The following GPX7 variants were observed in gnomAD, a reference collection of about 807,000 sequenced individuals.
GPX7 encodes the protein glutathione peroxidase 7, also known as protein peroxidase GPX7.
Under a neutral mutation model 23.7 loss-of-function variants are expected in GPX7, and 21 were observed. That is an observed-to-expected ratio of 0.89 (90% confidence interval 0.63 to 1.28). The LOEUF (loss-of-function observed/expected upper bound fraction) is 1.28. GPX7 is among the 50% of genes most tolerant of loss of function. GPX7 has a pLI of 0.00. For synonymous variants in GPX7, 112 were observed against 101.8 expected (o/e 1.10, Z -0.61); for missense variants, 238 against 237.3 (o/e 1.00, Z -0.02).
In GPX7 at chr1:52,607,262, T is replaced by C. The variant is rs191721396; in HGVS notation, c.400+317T>C. ...TCCTAGAAGGAGACATTTAAGTCAG[T>C]GTGAACTAGATGAGTTTATGGACAT... On this transcript the variant is annotated intron_variant, in intron 2 of 2. Transcript: ENST00000361314. 2.4e-3 allele frequency: 951 copies of C among 399,250 alleles called. 4 individuals are homozygous for C. The highest frequency in any genetic ancestry group is 5.0e-3 in the Middle Eastern group (7 of 1,400). 24.7% of individuals were successfully genotyped at this position (399,250 alleles called of 1,614,324 possible).
chr1:52,602,484 C>T lies in GPX7; in HGVS notation c.75C>T (p.Phe25=). The T allele has an allele frequency of 6.4e-7, 1 of 1,558,848 alleles. No individual in the cohort carries two copies. The highest frequency in any genetic ancestry group is 8.6e-7 in the Non-Finnish European group (1 of 1,157,098). ...AAACAQQEQD[F]YDFKAVNIRG... ...CCTGCGCGCAGCAGGAGCAGGACTT[C>T]TACGACTTCAAGGCGGTCAACATCC... Residue 25 remains phenylalanine, a synonymous_variant, in exon 1 of 3, where the codon TTC becomes TTT. Transcript: ENST00000361314.
At chr1:52,607,776 T>C (rs760546096) in intron 2 of GPX7, among the ~76,000 whole-genome samples, 1 of 152,104 alleles carries the variant, frequency 6.6e-6, no homozygotes, top group Non-Finnish European at 1.5e-5. Context: ...CTCACAGTTA[T>C]AGATCAAACC....
intron 2 of GPX7, 177 bp downstream of exon 2, chr1:52,607,122 T>TACA (rs1690863117): frequency 4.5e-6 from 3 of 670,366 alleles, no homozygotes; most frequent in Non-Finnish European, 7.9e-6. Context: ...TGGAGGCAGG[T>TACA]AGAAGCTGAG....
Position 52,603,974 on chromosome 1 carries a change from TATTA to T in GPX7, c.138+1431_138+1434del, listed in dbSNP as rs1231151942. 7.1e-4 allele frequency among the ~76,000 whole-genome samples: 108 copies of T among 152,258 alleles called. 1 individual carries two copies. Among genetic ancestry groups the T allele is most frequent in the Non-Finnish European group, 1.9e-4 (13 of 68,018 alleles). On this transcript the variant is annotated intron_variant, in intron 1 of 2. Transcript: ENST00000361314. ...TTAGCGTCTGACCAGCTCTGCTACT[TATTA>T]ATTCGTTGTTCATTATTGAACACCT...
At chr1:52,603,875 A>C (rs1690827055) in intron 1 of GPX7, among the ~76,000 whole-genome samples, 1 of 152,146 alleles carries the variant, frequency 6.6e-6, no homozygotes, top group Non-Finnish European at 1.5e-5. Flanking sequence ...CTCTGGGCAA[A>C]GAACCAAGAA....
At chr1:52,607,672 G>C (rs1690869421) in intron 2 of GPX7, among the ~76,000 whole-genome samples, 2 of 152,176 alleles carry the variant, frequency 1.3e-5, no homozygotes, top group Admixed American at 1.3e-4. Flanking sequence ...GCAAACAAAA[G>C]GTCCCTTACT....
chr1:52,606,582 C>G, intron 1 of GPX7, 102 bp from the exon 2 acceptor site: 1 of 1,302,758 alleles, frequency 7.7e-7, no homozygotes, highest in Non-Finnish European at 1.1e-6. Context: ...GCAGTATTAA[C>G]TGTTGAGGGA....
chr1:52,606,597 CAT>C (rs1690854721), intron 1 of GPX7, 85 bp from the exon 2 acceptor site: 3 of 1,449,510 alleles, frequency 2.1e-6, no homozygotes, highest in Admixed American at 1.9e-5. Flanking sequence ...GAGGGAGTCA[CAT>C]ATGTGGATGT....
rs1690880969 is a variant in GPX7 at position 52,608,653 on chromosome 1, C to G, written c.*228C>G. 3 of 326,218 alleles carry G rather than the reference C, an allele frequency of 9.2e-6. No individual in the cohort carries two copies. The highest frequency in any genetic ancestry group is 1.1e-5 in the Non-Finnish European group (2 of 178,708). 20.2% of individuals were successfully genotyped at this position (326,218 alleles called of 1,614,324 possible). ...CAATGAGAGCTCTTGACCAGTGAAT[C>G]ACCAGCCGATACGAACGTCTTGCCA... On this transcript the variant is annotated 3_prime_UTR_variant, in exon 3 of 3. Transcript: ENST00000361314.
At chr1:52,604,720 G>A (rs1238881266) in intron 1 of GPX7, among the ~76,000 whole-genome samples, 1 of 152,172 alleles carries the variant, frequency 6.6e-6, no homozygotes, top group African/African-American at 2.4e-5. Context: ...TTCCAAAAGA[G>A]CGGGCAGACA....
At position 52,608,117 on chromosome 1, in the gene GPX7, C is replaced by T. The variant is rs569133970; in HGVS notation, c.401-145C>T. 42 of 623,652 alleles carry T rather than the reference C, an allele frequency of 6.7e-5. No homozygotes were observed. In the South Asian group the frequency reaches 1.1e-3, roughly 17 times the overall value. The allele number at this position is 623,652 out of a possible 1,614,324, so 38.6% of individuals were successfully genotyped here. ...GAAAAATGCTGATGCCTGAGCCTCA[C>T]CCTCAGAGATTCTGGTTGGAGTGGT... is the stretch of plus-strand genomic sequence containing the variant. On this transcript the variant is annotated intron_variant, in intron 2 of 2. Coordinates refer to ENST00000361314, the MANE Select transcript of GPX7 (RefSeq NM_015696.5).
rs576053026 is a variant in GPX7 at position 52,604,380 on chromosome 1, C to T, written c.138+1833C>T. ...CTTCACCTGCAAACATTTACTGGCT[C>T]CTACTACATGTCTGACACTGGGTCC... On this transcript the variant is annotated intron_variant, in intron 1 of 2. Coordinates refer to ENST00000361314, the MANE Select transcript of GPX7 (RefSeq NM_015696.5). Among the ~76,000 whole-genome samples the T allele has an allele frequency of 3.3e-5, 5 of 152,288 alleles. No individual in the cohort carries two copies. The East Asian group carries it at 9.6e-4, about 29-fold the overall frequency.
At position 52,606,744 on chromosome 1, in the gene GPX7, C is replaced by T; in HGVS notation, c.199C>T (p.Leu67=). Residue 67 remains leucine, a synonymous_variant, in exon 2 of 3, where the codon CTG becomes TTG. Transcript: ENST00000361314. ...CTTCACAGACCAGCACTACCGAGCCCTGCAGCAGCTGCAGCGAGACCTGGG... is the reference window on the plus strand; with the variant it reads ...CTTCACAGACCAGCACTACCGAGCCTTGCAGCAGCTGCAGCGAGACCTGGG... The part of the protein sequence containing the change: ...CGFTDQHYRA[L]QQLQRDLGPH... 2.5e-6 allele frequency: 4 copies of T among 1,614,178 alleles called. No homozygotes were observed. Among genetic ancestry groups the T allele is most frequent in the Non-Finnish European group, 3.4e-6 (4 of 1,180,046 alleles).
chr1:52,607,082 C>G (rs1010261501), intron 2 of GPX7, 137 bp downstream of exon 2: 2 of 800,164 alleles, frequency 2.5e-6, no homozygotes, highest in African/African-American at 3.4e-5. Context: ...TGGACTGATG[C>G]TTTGTTCCAG....
chr1:52,605,375 C>T (rs1690844496), intron 1 of GPX7, among the ~76,000 whole-genome samples: 1 of 152,084 alleles, frequency 6.6e-6, no homozygotes, highest in South Asian at 2.1e-4. Flanking sequence ...TGTTGATTGT[C>T]AAGACTGGGC....
chr1:52,606,655 C>G (rs768249528), intron 1 of GPX7, 29 bp from the exon 2 acceptor site: 28 of 1,599,628 alleles, frequency 1.8e-5, no homozygotes, highest in East Asian at 4.5e-5. Context: ...CTTGTCTGGG[C>G]TTTGTTTTGT....
intron 1 of GPX7, 126 bp downstream of exon 1, chr1:52,602,673 C>A: frequency 6.7e-6 from 2 of 298,710 alleles, no homozygotes; most frequent in Non-Finnish European, 1.1e-5. Context: ...GCGCGGCCGC[C>A]AAACCCCGGC....
intron 1 of GPX7, 101 bp downstream of exon 1, chr1:52,602,648 G>T (rs1690812484): frequency 1.8e-6 from 1 of 554,042 alleles, no homozygotes; most frequent in Non-Finnish European, 2.6e-6. Context: ...GTGTGGCTCC[G>T]AGGACGCTCC....
In GPX7 at chr1:52,602,468, A is replaced by C. The variant is rs1474678014; in HGVS notation, c.59A>C (p.Gln20Pro). 1.9e-6 allele frequency: 3 copies of C among 1,547,114 alleles called. No individual in the cohort carries two copies. Among genetic ancestry groups the C allele is most frequent in the Non-Finnish European group, 2.6e-6 (3 of 1,151,602 alleles). Residue 20 changes from glutamine to proline, a missense_variant, in exon 1 of 3, where the codon CAG becomes CCG. By Grantham distance (76) the Gln-to-Pro change is moderately conservative. Transcript: ENST00000361314. ...WLLLWAAACA[Q>P]QEQDFYDFKA... ...CTCCTGTGGGCTGCGGCCTGCGCGC[A>C]GCAGGAGCAGGACTTCTACGACTTC...
Sources: allele counts gnomAD v4.1 joint callset (sites outside exome capture counted in the v4.1 genomes callset), GRCh38; gene constraint gnomAD v4.1.1; transcripts MANE v1.5; gene names NCBI Gene and HGNC (gene_info 2026-07-23, HGNC 2026-07-21).